The following RANBP2 variants were observed in gnomAD, a reference collection of about 807,000 sequenced individuals.
RANBP2 encodes E3 SUMO-protein ligase RanBP2.
Under a neutral mutation model 303.6 loss-of-function variants are expected in RANBP2, and 57 were observed. The observed-to-expected ratio is 0.19, with a 90% confidence interval of 0.15 to 0.23. RANBP2 has a LOEUF of 0.23. Among genes scored for constraint, RANBP2 ranks in the 10% least tolerant of loss-of-function variants. The pLI, the probability that RANBP2 is intolerant of heterozygous loss-of-function variation, is 1.00. For synonymous variants in RANBP2, 1,167 were observed against 1,301.5 expected, an observed-to-expected ratio of 0.90 and a Z score of 2.23; for missense variants, 3,138 against 3,780.8, an observed-to-expected ratio of 0.83 and a Z score of 4.46.
chr2:109,719,619 A>G, the RANBP2 span, among the ~76,000 whole-genome samples: 5 of 151,192 alleles, frequency 3.3e-5, no homozygotes, highest in African/African-American at 1.2e-4. Context: ...GTTGGCCAGG[A>G]TGGTCTCGAT....
At chr2:109,558,891 T>TC in the RANBP2 span, among the ~76,000 whole-genome samples, 1 of 144,878 alleles carries the variant, frequency 6.9e-6, no homozygotes, top group African/African-American at 2.7e-5. Context: ...AGATATAAAT[T>TC]CTTTTTTTTT....
chr2:109,400,811 G>A, the RANBP2 span, among the ~76,000 whole-genome samples: 1 of 152,198 alleles, frequency 6.6e-6, no homozygotes, highest in Non-Finnish European at 1.5e-5. Context: ...TGCCCCCATG[G>A]TTACCCCACT....
chr2:109,131,100 T>G, the RANBP2 span, among the ~76,000 whole-genome samples: 1 of 152,284 alleles, frequency 6.6e-6, no homozygotes, highest in African/African-American at 2.4e-5. Flanking sequence ...GAGTTGGTGA[T>G]GCCTAGTCCT....
At chr2:109,259,939 G>A in the RANBP2 span, among the ~76,000 whole-genome samples, 2 of 152,140 alleles carry the variant, frequency 1.3e-5, no homozygotes, top group Non-Finnish European at 2.9e-5. Context: ...CTCTGCAGAT[G>A]ATATCCATGT....
At chr2:108,877,031 A>G in the RANBP2 span, among the ~76,000 whole-genome samples, 1 of 152,216 alleles carries the variant, frequency 6.6e-6, no homozygotes, top group Non-Finnish European at 1.5e-5. Flanking sequence ...GTATAATCTC[A>G]GTTTCAGGAG....
chr2:108,738,791 G>A (rs539823121), intron 6 of RANBP2, among the ~76,000 whole-genome samples: 1 of 151,382 alleles, frequency 6.6e-6, no homozygotes, highest in East Asian at 2.0e-4. Flanking sequence ...ACCACGCCTG[G>A]CTAATTTTTT....
the RANBP2 span, among the ~76,000 whole-genome samples, chr2:109,436,240 T>TATTTCACATCGCTGCCTC: frequency 6.6e-6 from 1 of 152,184 alleles, no homozygotes; most frequent in Admixed American, 6.5e-5. Flanking sequence ...AACTCTGCCA[T>TATTTCACATCGCTGCCTC]ATTTCACATC....
chr2:109,047,025 G>T, the RANBP2 span, among the ~76,000 whole-genome samples: 1 of 152,010 alleles, frequency 6.6e-6, no homozygotes, highest in Non-Finnish European at 1.5e-5. Context: ...CAGTGCCAGA[G>T]ACTGGACGTG....
the RANBP2 span, among the ~76,000 whole-genome samples, chr2:109,655,028 G>A: frequency 4.0e-5 from 6 of 151,328 alleles, no homozygotes; most frequent in South Asian, 2.1e-4. Context: ...TCAGCCTCCC[G>A]AGTAGCTGGC....
At chr2:108,998,648 C>A in the RANBP2 span, among the ~76,000 whole-genome samples, 1 of 152,236 alleles carries the variant, frequency 6.6e-6, no homozygotes, top group Non-Finnish European at 1.5e-5. Flanking sequence ...CTCCGAGCCC[C>A]AGCCACTGAC....
the RANBP2 span, among the ~76,000 whole-genome samples, chr2:108,956,469 GTC>G: frequency 6.6e-6 from 1 of 152,194 alleles, no homozygotes; most frequent in Non-Finnish European, 1.5e-5. Context: ...TGCACCAAGA[GTC>G]TCTCACGTCA....
chr2:109,238,449 TTGTGTGTGTGTGTG>T, the RANBP2 span, among the ~76,000 whole-genome samples: 1,286 of 142,706 alleles, frequency 9.0e-3, 14 homozygotes, highest in South Asian at 0.028. Context: ...TTATGTATAT[TTGTGTGTGTGTGTG>T]TGTGTGTGTG....
the RANBP2 span, among the ~76,000 whole-genome samples, chr2:109,326,647 TTTCTACA>T: frequency 6.6e-6 from 1 of 152,242 alleles, no homozygotes; most frequent in Middle Eastern, 3.2e-3. Flanking sequence ...TTCATAGCCT[TTTCTACA>T]ATGCCTGTTT....
the RANBP2 span, among the ~76,000 whole-genome samples, chr2:109,145,897 T>C: frequency 1.3e-5 from 2 of 152,124 alleles, no homozygotes; most frequent in Non-Finnish European, 2.9e-5. Flanking sequence ...GCTATGGGTG[T>C]GCGTGGAGCC....
the RANBP2 span, among the ~76,000 whole-genome samples, chr2:109,240,772 T>G: frequency 3.0e-4 from 45 of 148,830 alleles, no homozygotes; most frequent in African/African-American, 9.4e-4. Flanking sequence ...CTGTCGTCCT[T>G]CTCCTCTCTA....
chr2:108,955,567 G>C, the RANBP2 span, among the ~76,000 whole-genome samples: 1 of 152,002 alleles, frequency 6.6e-6, no homozygotes, highest in Non-Finnish European at 1.5e-5. Flanking sequence ...GGCCAACATG[G>C]TGTGGTGGCA....
At chr2:108,994,396 C>T in the RANBP2 span, among the ~76,000 whole-genome samples, 1 of 152,158 alleles carries the variant, frequency 6.6e-6, no homozygotes, top group Non-Finnish European at 1.5e-5. Flanking sequence ...TGAAATTGAT[C>T]CTCGCTGAGA....
At chr2:109,545,054 C>T in the RANBP2 span, 16 of 985,388 alleles carry the variant, frequency 1.6e-5, no homozygotes, top group Non-Finnish European at 1.9e-5. Context: ...TTATGTTTTC[C>T]TATTTTAAAG....
the RANBP2 span, chr2:109,545,378 C>T: frequency 6.6e-7 from 1 of 1,522,176 alleles, no homozygotes; most frequent in East Asian, 2.5e-5. Flanking sequence ...CTGATTTTAA[C>T]ACATACCCCA....
Sources: allele counts gnomAD v4.1 joint callset (sites outside exome capture counted in the v4.1 genomes callset), GRCh38; gene constraint gnomAD v4.1.1; transcripts MANE v1.5; gene names NCBI Gene and HGNC (gene_info 2026-07-23, HGNC 2026-07-21).